The following FRMD4B variants were observed in gnomAD, a reference collection of about 807,000 sequenced individuals.
FRMD4B encodes FERM domain-containing protein 4B.
A neutral mutation model predicts 141.5 loss-of-function variants in FRMD4B; 74 were observed. That is an observed-to-expected ratio of 0.52 (90% CI 0.43 to 0.63). The LOEUF (loss-of-function observed/expected upper bound fraction) is 0.63. Ranked by LOEUF, FRMD4B falls within the 30% of genes least tolerant of loss-of-function variation. The pLI, the probability that FRMD4B is intolerant of heterozygous loss-of-function variation, is 0.00. For missense variants in FRMD4B, 1,366 were observed against 1,253.4 expected, an observed-to-expected ratio of 1.09 and a Z score of -1.36; for synonymous variants, 506 against 467.9, an observed-to-expected ratio of 1.08 and a Z score of -1.05.
At chr3:69,469,649 C>T (rs527634010) in intron 1 of FRMD4B, among the ~76,000 whole-genome samples, 1 of 152,288 alleles carries the variant, frequency 6.6e-6, no homozygotes, top group African/African-American at 2.4e-5. Flanking sequence ...CCATAGCAAG[C>T]CCCTACTCCA....
At chr3:69,507,207 A>G (rs2107085226) in intron 1 of FRMD4B, among the ~76,000 whole-genome samples, 1 of 152,326 alleles carries the variant, frequency 6.6e-6, no homozygotes, top group African/African-American at 2.4e-5. Context: ...ATTTTTAAAT[A>G]GGCAGTATAT....
chr3:69,293,971 A>C (rs915040161), intron 4 of FRMD4B, among the ~76,000 whole-genome samples: 3 of 151,344 alleles, frequency 2.0e-5, no homozygotes, highest in African/African-American at 7.3e-5. Flanking sequence ...TGTCTGTTTT[A>C]ACATAAAATG....
chr3:69,174,314 G>A lies in FRMD4B; in HGVS notation c.2984+2210C>T, dbSNP rs560255593. 3.3e-5 allele frequency among the ~76,000 whole-genome samples: 5 copies of A among 152,192 alleles called. No individual in the cohort carries two copies. The South Asian group carries it at 8.3e-4, about 25-fold the overall frequency. ...GTTTAAAGAGTTTTAAAACACATGG[G>A]AACATGGTTATGTTATGATGTTAAG... On this transcript the variant is annotated intron_variant, in intron 22 of 22. Coordinates refer to ENST00000398540, the MANE Select transcript of FRMD4B (RefSeq NM_015123.3).
At chr3:69,271,807 TA>T (rs1213947893) in intron 5 of FRMD4B, among the ~76,000 whole-genome samples, 2 of 151,976 alleles carry the variant, frequency 1.3e-5, no homozygotes, top group African/African-American at 4.8e-5. Context: ...ACCCCATCTC[TA>T]CCAAAAGTAC....
intron 1 of FRMD4B, among the ~76,000 whole-genome samples, chr3:69,527,333 C>T (rs1700944185): frequency 6.6e-6 from 1 of 152,150 alleles, no homozygotes; most frequent in African/African-American, 2.4e-5. Context: ...CACCCAGAGC[C>T]CTTCCGGGGT....
At chr3:69,528,896 C>T (rs936953613) in intron 1 of FRMD4B, among the ~76,000 whole-genome samples, 2 of 151,962 alleles carry the variant, frequency 1.3e-5, no homozygotes, top group South Asian at 2.1e-4. Flanking sequence ...CAATATACAC[C>T]CCTTAGTTTC....
intron 19 of FRMD4B, among the ~76,000 whole-genome samples, chr3:69,183,923 T>A (rs1204139149): frequency 1.3e-5 from 2 of 151,762 alleles, no homozygotes; most frequent in Admixed American, 6.6e-5. Context: ...TTAGATGGAG[T>A]CTCGCTCTGT....
chr3:69,214,337 GC>G (rs928964427), intron 11 of FRMD4B, among the ~76,000 whole-genome samples: 22 of 152,278 alleles, frequency 1.4e-4, no homozygotes, highest in African/African-American at 5.1e-4. Flanking sequence ...TTGTGATAAT[GC>G]AGGTAGCTGA....
chr3:69,262,459 CTTTTTTTTTTTT>C (rs71618271), intron 5 of FRMD4B, among the ~76,000 whole-genome samples: 47 of 86,852 alleles, frequency 5.4e-4, no homozygotes, highest in African/African-American at 2.0e-3. Flanking sequence ...ACACAAATGA[CTTTTTTTTTTTT>C]TTTTTTTTTT....
chr3:69,385,167 C>A (rs2012702), intron 1 of FRMD4B, among the ~76,000 whole-genome samples: 67,024 of 151,706 alleles, frequency 0.44, 16,264 homozygotes, highest in East Asian at 0.61. Flanking sequence ...CAGGATGGGA[C>A]CGAGCAGAGA....
intron 1 of FRMD4B, among the ~76,000 whole-genome samples, chr3:69,490,101 TG>T (rs776228735): frequency 2.8e-4 from 43 of 152,252 alleles, no homozygotes; most frequent in South Asian, 4.1e-4. Context: ...CCAATGGGTA[TG>T]GGGTTTCTTT....
At position 69,396,296 on chromosome 3, in the gene FRMD4B, C is replaced by T. The variant is rs112027774; in HGVS notation, c.-1+36338G>A. ...CCGAGGTGGGTGGATTGCTTGAGGTCGAGTTCTAGACCAGCCTGGCCAATA... is the reference window on the plus strand; with the variant it reads ...CCGAGGTGGGTGGATTGCTTGAGGTTGAGTTCTAGACCAGCCTGGCCAATA... On this transcript the variant is annotated intron_variant, in intron 2 of 5. Coordinates refer to the FRMD4B transcript ENST00000459638. 2.4e-4 allele frequency among the ~76,000 whole-genome samples: 37 copies of T among 152,130 alleles called. 1 individual carries two copies. Among genetic ancestry groups the T allele is most frequent in the African/African-American group, 8.7e-4 (36 of 41,498 alleles).
At chr3:69,496,770 CCACCTTTTTGCT>C (rs1706407828) in intron 1 of FRMD4B, among the ~76,000 whole-genome samples, 1 of 151,828 alleles carries the variant, frequency 6.6e-6, no homozygotes, top group African/African-American at 2.4e-5. Flanking sequence ...CCAATAAAGT[CCACCTTTTTGCT>C]TAAGTCGCTA....
At chr3:69,244,415 T>C (rs552488906) in intron 7 of FRMD4B, among the ~76,000 whole-genome samples, 6 of 152,334 alleles carry the variant, frequency 3.9e-5, no homozygotes, top group African/African-American at 1.4e-4. Flanking sequence ...TTGTTTTTAC[T>C]GAAAAAGCCA....
intron 1 of FRMD4B, among the ~76,000 whole-genome samples, chr3:69,510,090 C>T (rs1446720598): frequency 6.6e-6 from 1 of 151,872 alleles, no homozygotes; most frequent in African/African-American, 2.4e-5. Flanking sequence ...CTTGTGCCTC[C>T]CAAGGTCTCT....
intron 1 of FRMD4B, among the ~76,000 whole-genome samples, chr3:69,519,579 C>T (rs192335110): frequency 2.5e-4 from 38 of 152,236 alleles, no homozygotes; most frequent in Admixed American, 7.2e-4. Flanking sequence ...TACCTAGACC[C>T]TTTCCCTCTC....
chr3:69,372,994 C>A (rs1559835537), intron 1 of FRMD4B, among the ~76,000 whole-genome samples: 1 of 152,076 alleles, frequency 6.6e-6, no homozygotes, highest in Non-Finnish European at 1.5e-5. Flanking sequence ...GCACTTAAAC[C>A]CCTAAGATTT....
In FRMD4B at chr3:69,265,264, AAAAAAATATATATATATAT is replaced by A. The variant is rs1313208061; in HGVS notation, c.502-15184_502-15166del. Among the ~76,000 whole-genome samples the A allele has an allele frequency of 4.9e-4, 9 of 18,332 alleles. 1 individual carries two copies. The highest frequency in any genetic ancestry group is 4.2e-3 in the East Asian group (3 of 712). The allele number at this position is 18,332 out of a possible 152,430, so 12.0% of individuals were successfully genotyped here. A position where few individuals can be genotyped will look rare whatever the true frequency, so the allele number is the denominator to read the frequency against. On this transcript the variant is annotated intron_variant, in intron 5 of 22. Coordinates refer to ENST00000398540, the MANE Select transcript of FRMD4B (RefSeq NM_015123.3). ...AGCGAGACTCCATCTCAAAAAAAAA[AAAAAAATATATATATATAT>A]ATATATATATATATATATATATATA...
chr3:69,397,690 T>G (rs1259760331), intron 2 of FRMD4B, among the ~76,000 whole-genome samples: 2 of 152,110 alleles, frequency 1.3e-5, no homozygotes, highest in African/African-American at 4.8e-5. Context: ...GAAATTAGAT[T>G]AGTAGTTGCC....
Sources: allele counts gnomAD v4.1 joint callset (sites outside exome capture counted in the v4.1 genomes callset), GRCh38; gene constraint gnomAD v4.1.1; transcripts MANE v1.5; gene names NCBI Gene and HGNC (gene_info 2026-07-23, HGNC 2026-07-21).